Variants in ME1 observed in about 807,000 individuals in gnomAD.
ME1 encodes malic enzyme 1.
In ME1, 74 loss-of-function variants were observed where a neutral mutation model predicts 66.4. That is an observed-to-expected ratio of 1.11 (90% CI 0.92 to 1.35). ME1 has a LOEUF of 1.35. Among genes scored for constraint, ME1 ranks in the 40% most tolerant of loss-of-function variants. The probability of loss-of-function intolerance (pLI) is 0.00; values close to 1 mark genes in which losing one functional copy is unlikely to be tolerated. For synonymous variants in ME1, 251 were observed against 235.6 expected (o/e 1.07, Z -0.60); for missense variants, 750 against 694.1 (o/e 1.08, Z -0.90).
At chr6:83,244,096 T>C (rs977538274) in intron 7 of ME1, among the ~76,000 whole-genome samples, 1 of 151,636 alleles carries the variant, frequency 6.6e-6, no homozygotes, top group African/African-American at 2.4e-5. Flanking sequence ...ACATACTCAA[T>C]ACGGAGACCC....
intron 5 of ME1, among the ~76,000 whole-genome samples, chr6:83,326,760 T>C (rs1049399195): frequency 6.6e-6 from 1 of 152,104 alleles, no homozygotes; most frequent in African/African-American, 2.4e-5. Context: ...TATGGAGAAA[T>C]AGAAATGCTT....
chr6:83,303,621 T>C (rs1245500164), intron 6 of ME1, among the ~76,000 whole-genome samples: 2 of 152,174 alleles, frequency 1.3e-5, no homozygotes, highest in Non-Finnish European at 2.9e-5. Flanking sequence ...AACTGACTCA[T>C]AATGATCACA....
Position 83,248,750 on chromosome 6 carries a change from G to A in ME1, c.814+4879C>T, listed in dbSNP as rs182595371. ...TGCTTGCTTCCTCTTTGCCTTCTAC[G>A]ATGATTGTAAGTTTCCTGAGGCCTC... On this transcript the variant is annotated intron_variant, in intron 7 of 13. Coordinates refer to ENST00000369705, the MANE Select transcript of ME1 (RefSeq NM_002395.6). 1.7e-3 allele frequency among the ~76,000 whole-genome samples: 252 copies of A among 152,202 alleles called. 1 individual carries two copies. Among genetic ancestry groups the A allele is most frequent in the Non-Finnish European group, 2.4e-3 (164 of 67,998 alleles).
At chr6:83,212,857 TCATATCA>T (rs1371308477) in intron 13 of ME1, among the ~76,000 whole-genome samples, 1 of 152,144 alleles carries the variant, frequency 6.6e-6, no homozygotes, top group Non-Finnish European at 1.5e-5. Context: ...AATCACATCA[TCATATCA>T]CATCATGGGA....
chr6:83,260,050 A>T (rs1766856139), intron 6 of ME1, among the ~76,000 whole-genome samples: 1 of 152,126 alleles, frequency 6.6e-6, no homozygotes, highest in South Asian at 2.1e-4. Context: ...TTATACTATG[A>T]ATCTTTTTTC....
chr6:83,212,155 G>C, intron 13 of ME1, 61 bp from the exon 14 acceptor site: 1 of 1,226,466 alleles, frequency 8.2e-7, no homozygotes, highest in Non-Finnish European at 1.1e-6. Context: ...GAGCCCATGT[G>C]AGTGGAAGTT....
At chr6:83,289,546 T>C (rs1334570077) in intron 6 of ME1, among the ~76,000 whole-genome samples, 1 of 151,696 alleles carries the variant, frequency 6.6e-6, no homozygotes, top group Non-Finnish European at 1.5e-5. Flanking sequence ...AGTATTGTAT[T>C]GAGGATTTTC....
intron 3 of ME1, among the ~76,000 whole-genome samples, chr6:83,375,637 A>C (rs1283856565): frequency 6.6e-6 from 1 of 152,158 alleles, no homozygotes; most frequent in Non-Finnish European, 1.5e-5. Flanking sequence ...TATGTTGAAT[A>C]GGAGTGGTTA....
chr6:83,295,949 T>A (rs1583363463), intron 6 of ME1, among the ~76,000 whole-genome samples: 1 of 151,568 alleles, frequency 6.6e-6, no homozygotes, highest in South Asian at 2.1e-4. Context: ...ACATATAAAC[T>A]CTCCCAAGAC....
At chr6:83,423,244 A>T (rs13197684) in intron 1 of ME1, among the ~76,000 whole-genome samples, 23 of 150,792 alleles carry the variant, frequency 1.5e-4, no homozygotes, top group Non-Finnish European at 3.2e-4. Context: ...ACTCATTATT[A>T]TATAACTATT....
At chr6:83,296,515 C>T (rs1332584081) in intron 6 of ME1, among the ~76,000 whole-genome samples, 3 of 152,082 alleles carry the variant, frequency 2.0e-5, no homozygotes, top group Non-Finnish European at 4.4e-5. Flanking sequence ...AAGGAACATA[C>T]CTCAAAATAA....
intron 4 of ME1, 119 bp from the exon 5 acceptor site, chr6:83,346,453 G>A: frequency 1.9e-6 from 1 of 538,172 alleles, no homozygotes; most frequent in East Asian, 3.3e-5. Context: ...AACATAAATT[G>A]AATATTTATG....
intron 2 of ME1, among the ~76,000 whole-genome samples, chr6:83,406,016 C>T (rs773856593): frequency 9.9e-5 from 15 of 152,130 alleles, no homozygotes; most frequent in Admixed American, 2.0e-4. Flanking sequence ...CCACCGCACC[C>T]GGCCAAGAGT....
chr6:83,334,283 G>T lies in ME1; in HGVS notation c.600+11890C>A, dbSNP rs61992451. 5.0e-3 allele frequency among the ~76,000 whole-genome samples: 657 copies of T among 131,040 alleles called. 8 individuals are homozygous for T. The highest frequency in any genetic ancestry group is 0.018 in the African/African-American group (610 of 34,652). 86.0% of individuals were successfully genotyped at this position (131,040 alleles called of 152,430 possible). A position where few individuals can be genotyped will look rare whatever the true frequency, so the allele number is the denominator to read the frequency against. On this transcript the variant is annotated intron_variant, in intron 5 of 13. Coordinates refer to ENST00000369705, the MANE Select transcript of ME1 (RefSeq NM_002395.6). ...CGGCTTAAGAAACGGCGCACCACGA[G>T]ACTATATCCCACACCTGGCTCAGAG...
At chr6:83,226,689 T>C (rs564556574) in intron 11 of ME1, among the ~76,000 whole-genome samples, 3 of 152,292 alleles carry the variant, frequency 2.0e-5, no homozygotes, top group African/African-American at 7.2e-5. Context: ...CTCTAGTTCA[T>C]TTTGGATTTC....
intron 12 of ME1, among the ~76,000 whole-genome samples, chr6:83,220,585 A>G (rs1790074267): frequency 6.6e-6 from 1 of 152,246 alleles, no homozygotes. Flanking sequence ...AACAGTTATT[A>G]AATTTGTGGT....
intron 3 of ME1, among the ~76,000 whole-genome samples, chr6:83,384,127 G>A (rs1053030109): frequency 6.6e-5 from 10 of 151,768 alleles, no homozygotes; most frequent in East Asian, 1.9e-4. Flanking sequence ...ATGCTACAAC[G>A]AACATACCAG....
At chr6:83,292,890 C>T (rs190211397) in intron 6 of ME1, among the ~76,000 whole-genome samples, 38 of 152,246 alleles carry the variant, frequency 2.5e-4, no homozygotes, top group African/African-American at 7.2e-4. Context: ...CATCCCAGGT[C>T]GATCTCAGAC....
intron 6 of ME1, among the ~76,000 whole-genome samples, chr6:83,307,282 A>C (rs143715784): frequency 2.5e-3 from 375 of 152,210 alleles, no homozygotes; most frequent in Non-Finnish European, 4.0e-3. Context: ...TTTAAGGAAA[A>C]TATGGCTATA....
Sources: allele counts gnomAD v4.1 joint callset (sites outside exome capture counted in the v4.1 genomes callset), GRCh38; gene constraint gnomAD v4.1.1; transcripts MANE v1.5; gene names NCBI Gene and HGNC (gene_info 2026-07-23, HGNC 2026-07-21).